Variants in AHCYL1 observed in about 807,000 individuals in gnomAD.
The protein encoded by AHCYL1 is adenosylhomocysteinase like 1, also known as S-adenosylhomocysteine hydrolase-like protein 1.
In AHCYL1, 20 loss-of-function variants were observed where a neutral mutation model predicts 79.3. The ratio of observed to expected loss-of-function variants is 0.25; its 90% CI spans 0.18 to 0.37. The LOEUF (loss-of-function observed/expected upper bound fraction) is 0.37, where lower values mean the gene tolerates loss of function less well. AHCYL1 is among the 10% of genes least tolerant of loss of function. The pLI, the probability that AHCYL1 is intolerant of heterozygous loss-of-function variation, is 1.00. For missense variants in AHCYL1, 330 were observed against 673.6 expected (o/e 0.49, Z 5.65); for synonymous variants, 223 against 242.2 (o/e 0.92, Z 0.74).
intron 1 of AHCYL1, among the ~76,000 whole-genome samples, chr1:109,990,107 C>A (rs1649674116): frequency 6.6e-6 from 1 of 152,214 alleles, no homozygotes; most frequent in Admixed American, 6.5e-5. Context: ...TTGGCTGTTA[C>A]ATAAGACGCC....
At position 110,012,947 on chromosome 1, in the gene AHCYL1, T is replaced by C. The variant is rs1651142335; in HGVS notation, c.528T>C (p.Ala176=). 1.2e-6 allele frequency: 2 copies of C among 1,613,286 alleles called. No homozygotes were observed. The highest frequency in any genetic ancestry group is 1.7e-6 in the Non-Finnish European group (2 of 1,179,832). ...TGGGGGCTCAGTGCCGCTGGTCTGC[T>C]TGTAACATCTACTCAACTCAGAATG... ...CALGAQCRWS[A]CNIYSTQNEV... is the part of the protein sequence containing the mutation. Residue 176 remains alanine, a synonymous_variant, in exon 5 of 17, where the codon GCT becomes GCC. Transcript: ENST00000369799.
At chr1:110,018,223 C>A in intron 11 of AHCYL1, 150 bp from the exon 12 acceptor site, 1 of 881,268 alleles carries the variant, frequency 1.1e-6, no homozygotes, top group Non-Finnish European at 1.8e-6. Flanking sequence ...GACCAGATAG[C>A]CTAAGGAGCG....
chr1:110,018,119 G>C lies in AHCYL1; in HGVS notation c.1123+103G>C, dbSNP rs574726424. 44 of 1,272,170 alleles carry C rather than the reference G, an allele frequency of 3.5e-5. No homozygotes were observed. The East Asian group carries it at 9.5e-4, about 27-fold the overall frequency. The allele number at this position is 1,272,170 out of a possible 1,614,324, so 78.8% of individuals were successfully genotyped here. Reference sequence around the variant, plus strand: ...GGTGAGACCTCTGTTCAGTATAAAGGTCTCAGAACTAGAATAAGCTATCAG... The same window carrying C: ...GGTGAGACCTCTGTTCAGTATAAAGCTCTCAGAACTAGAATAAGCTATCAG... On this transcript the variant is annotated intron_variant, in intron 11 of 16. Coordinates refer to ENST00000369799, the MANE Select transcript of AHCYL1 (RefSeq NM_006621.7).
At chr1:110,019,766 T>C in intron 15 of AHCYL1, 140 bp downstream of exon 15, 2 of 718,264 alleles carry the variant, frequency 2.8e-6, no homozygotes, top group East Asian at 2.6e-5. Flanking sequence ...GGACAAGTTC[T>C]AATCTCTATG....
chr1:110,008,868 C>CA (rs1650837667), intron 1 of AHCYL1, among the ~76,000 whole-genome samples, 166 bp from the exon 2 acceptor site: 1 of 152,076 alleles, frequency 6.6e-6, no homozygotes, highest in Non-Finnish European at 1.5e-5. Flanking sequence ...TGGGAGAAGT[C>CA]AGAGAGTAGC....
At chr1:110,020,009 T>C (rs1279339272) in intron 15 of AHCYL1, among the ~76,000 whole-genome samples, 1 of 152,224 alleles carries the variant, frequency 6.6e-6, no homozygotes. Flanking sequence ...TGTGAGGATA[T>C]GCAAACCATC....
chr1:110,007,806 A>G (rs1417431918), intron 1 of AHCYL1, among the ~76,000 whole-genome samples: 1 of 152,180 alleles, frequency 6.6e-6, no homozygotes, highest in Non-Finnish European at 1.5e-5. Flanking sequence ...TGCTTATTTC[A>G]GGGGTGAAGT....
At chr1:109,992,386 G>GCAA (rs1649810746) in intron 1 of AHCYL1, among the ~76,000 whole-genome samples, 1 of 139,498 alleles carries the variant, frequency 7.2e-6, no homozygotes, top group Non-Finnish European at 1.5e-5. Flanking sequence ...CTCCAGCCTG[G>GCAA]CAACAGAGCA....
Position 109,984,782 on chromosome 1 carries a change from G to C in AHCYL1, c.-271G>C. 1 of 317,880 alleles carries C rather than the reference G, an allele frequency of 3.1e-6. No homozygotes were observed. Among genetic ancestry groups the C allele is most frequent in the Non-Finnish European group, 5.6e-6 (1 of 180,094 alleles). 19.7% of individuals were successfully genotyped at this position (317,880 alleles called of 1,614,324 possible). ...CTACCCTCGCTTTGCGTGCGTGTTT[G>C]CGTACAGCGGAGGTGGCGGCGCGGG... On this transcript the variant is annotated 5_prime_UTR_variant, in exon 1 of 17. Transcript: ENST00000369799.
In AHCYL1 at chr1:110,012,937, G is replaced by A. The variant is rs562423332; in HGVS notation, c.518G>A (p.Arg173His). The change falls in exon 5 of 17, where the codon CGC becomes CAC. Residue 173 changes from arginine (R) to histidine (H), a missense_variant. Around this residue, in one of 6 missense-constraint regions of AHCYL1, gnomAD observed 97 missense variants for 176.3 expected, o/e 0.55. Coordinates refer to ENST00000369799, the MANE Select transcript of AHCYL1 (RefSeq NM_006621.7). ...ETLCALGAQC[R>H]WSACNIYSTQ... ...CTCTGTGCCCTGGGGGCTCAGTGCC[G>A]CTGGTCTGCTTGTAACATCTACTCA... The A allele has an allele frequency of 3.1e-6, 5 of 1,612,734 alleles. No homozygotes were observed. Among genetic ancestry groups the A allele is most frequent in the East Asian group, 4.5e-5 (2 of 44,814 alleles).
At chr1:109,999,526 T>C (rs1285085646) in intron 1 of AHCYL1, among the ~76,000 whole-genome samples, 3 of 152,236 alleles carry the variant, frequency 2.0e-5, no homozygotes, top group Non-Finnish European at 4.4e-5. Flanking sequence ...AGTGAGATTA[T>C]TTAATTGATT....
chr1:110,011,191 G>C (rs745611469), intron 2 of AHCYL1, 23 bp from the exon 3 acceptor site: 1 of 1,611,960 alleles, frequency 6.2e-7, no homozygotes. Context: ...TTCTATCCTT[G>C]TTTTTTTCTT....
chr1:110,013,862 G>A (rs1042305932), intron 5 of AHCYL1, among the ~76,000 whole-genome samples: 20 of 146,206 alleles, frequency 1.4e-4, no homozygotes, highest in African/African-American at 5.1e-4. Context: ...GTGCAATGGC[G>A]CAGTCTCGGC....
intron 2 of AHCYL1, among the ~76,000 whole-genome samples, chr1:110,010,257 A>C (rs554711295): frequency 6.6e-6 from 1 of 152,354 alleles, no homozygotes; most frequent in African/African-American, 2.4e-5. Context: ...ATATGGTTAA[A>C]ATGTCATAGT....
chr1:110,021,792 A>C lies in AHCYL1; in HGVS notation c.*112A>C. On this transcript the variant is annotated 3_prime_UTR_variant, in exon 17 of 17. Coordinates refer to ENST00000369799, the MANE Select transcript of AHCYL1 (RefSeq NM_006621.7). The stretch of plus-strand genomic sequence containing the variant: ...CTTTCCTCTTGATTTTTTTCCTATA[A>C]TTTCATTCTTGTTTTTTCATCTCAT... 1 of 1,221,146 alleles carries C rather than the reference A, an allele frequency of 8.2e-7. No homozygotes were observed. The highest frequency in any genetic ancestry group is 1.2e-6 in the Non-Finnish European group (1 of 864,154). The allele number at this position is 1,221,146 out of a possible 1,614,324, so 75.6% of individuals were successfully genotyped here. A position where few individuals can be genotyped will look rare whatever the true frequency, so the allele number is the denominator to read the frequency against.
rs1651842288 is a variant in AHCYL1, at chr1:110,022,182, T to G, written c.*502T>G. ...TCCCTTAGAAGTTCCAAGCCCTGTTTCCTGCGTAAAGGTGGTATGTCCAGT... is the reference window on the plus strand; with the variant it reads ...TCCCTTAGAAGTTCCAAGCCCTGTTGCCTGCGTAAAGGTGGTATGTCCAGT... On this transcript the variant is annotated 3_prime_UTR_variant, in exon 17 of 17. Coordinates refer to ENST00000369799, the MANE Select transcript of AHCYL1 (RefSeq NM_006621.7). 1 of 155,128 alleles carries G rather than the reference T, an allele frequency of 6.4e-6. No homozygotes were observed. The allele number at this position is 155,128 out of a possible 1,614,324, so 9.6% of individuals were successfully genotyped here.
intron 1 of AHCYL1, chr1:109,985,603 C>G (rs1228019316): frequency 2.1e-6 from 2 of 955,460 alleles, no homozygotes; most frequent in Non-Finnish European, 2.5e-6. Flanking sequence ...GCCGCTTTAT[C>G]CAACAACTGC....
chr1:109,993,755 G>A (rs1649883404), intron 1 of AHCYL1, among the ~76,000 whole-genome samples: 1 of 152,146 alleles, frequency 6.6e-6, no homozygotes, highest in African/African-American at 2.4e-5. Context: ...ACAATAATGG[G>A]GAAGGTAACT....
chr1:109,996,387 G>A (rs1650030756), intron 1 of AHCYL1, among the ~76,000 whole-genome samples: 1 of 152,200 alleles, frequency 6.6e-6, no homozygotes, highest in Non-Finnish European at 1.5e-5. Context: ...TCTGCTCAGG[G>A]TGCAGCGTCC....
Sources: gnomAD v4.1 joint callset for allele counts (sites outside exome capture counted in the v4.1 genomes callset) on GRCh38, gnomAD v4.1.1 for gene constraint, gnomAD v4.1.1 regional missense constraint, MANE v1.5 for transcripts, NCBI Gene and HGNC (gene_info 2026-07-23, HGNC 2026-07-21) for gene names.